HIVEP3: variants seen among roughly 807,000 people sequenced by gnomAD.
The protein encoded by HIVEP3 is transcription factor HIVEP3.
In HIVEP3, 49 loss-of-function variants were observed where a neutral mutation model predicts 152.8. The observed-to-expected ratio is 0.32, with a 90% CI of 0.26 to 0.41. The LOEUF is 0.41. Ranked by LOEUF, HIVEP3 falls within the 10% of genes least tolerant of loss-of-function variation. The pLI is 1.00. For missense variants in HIVEP3, 2,790 were observed against 3,103.3 expected (o/e 0.90, Z 2.40); for synonymous variants, 1,269 against 1,289.0 (o/e 0.98, Z 0.33).
chr1:41,937,713 G>A (rs1645026575), intron 1 of HIVEP3, among the ~76,000 whole-genome samples: 1 of 152,212 alleles, frequency 6.6e-6, no homozygotes, highest in Non-Finnish European at 1.5e-5. Flanking sequence ...GTACAGCCAG[G>A]CCTGAGGGTA....
At chr1:41,940,222 T>C (rs924753293) in intron 1 of HIVEP3, among the ~76,000 whole-genome samples, 1 of 152,230 alleles carries the variant, frequency 6.6e-6, no homozygotes, top group Non-Finnish European at 1.5e-5. Context: ...TTGAGCTGAA[T>C]TTTAAAAAAT....
chr1:41,684,605 A>T (rs1646087704), intron 2 of HIVEP3, among the ~76,000 whole-genome samples: 1 of 152,190 alleles, frequency 6.6e-6, no homozygotes, highest in Non-Finnish European at 1.5e-5. Flanking sequence ...TTCAGTTTTC[A>T]TCACTTGCTG....
intron 1 of HIVEP3, among the ~76,000 whole-genome samples, chr1:41,796,154 G>A (rs1286956912): frequency 2.6e-5 from 4 of 152,144 alleles, no homozygotes; most frequent in Non-Finnish European, 4.4e-5. Context: ...CTCTAATCCA[G>A]CACTATAGAG....
intron 1 of HIVEP3, among the ~76,000 whole-genome samples, chr1:41,707,139 C>T (rs966937685): frequency 6.6e-6 from 1 of 152,198 alleles, no homozygotes; most frequent in Non-Finnish European, 1.5e-5. Context: ...TCAGCTCCCC[C>T]GGGGCTGCCC....
intron 5 of HIVEP3, among the ~76,000 whole-genome samples, chr1:41,549,176 A>C (rs906706832): frequency 6.6e-6 from 1 of 152,148 alleles, no homozygotes; most frequent in African/African-American, 2.4e-5. Flanking sequence ...TTCCAGCTGC[A>C]TCCATGTCCC....
At chr1:41,698,192 C>T (rs578104338) in intron 2 of HIVEP3, among the ~76,000 whole-genome samples, 1 of 152,278 alleles carries the variant, frequency 6.6e-6, no homozygotes, top group African/African-American at 2.4e-5. Context: ...ATGATGCCCA[C>T]CCTACTTTTG....
chr1:41,614,715 G>C (rs926647957), intron 3 of HIVEP3, among the ~76,000 whole-genome samples: 2 of 152,186 alleles, frequency 1.3e-5, no homozygotes, highest in Non-Finnish European at 1.5e-5. Flanking sequence ...GAAGAAGATG[G>C]GTAAGTCACT....
At chr1:41,667,333 T>C (rs185085323) in intron 2 of HIVEP3, among the ~76,000 whole-genome samples, 1 of 152,366 alleles carries the variant, frequency 6.6e-6, no homozygotes, top group Admixed American at 6.5e-5. Context: ...TTTCCCCAAA[T>C]GACAAAAGCA....
At chr1:41,825,317 A>G (rs1642766789) in intron 1 of HIVEP3, among the ~76,000 whole-genome samples, 1 of 152,150 alleles carries the variant, frequency 6.6e-6, no homozygotes, top group African/African-American at 2.4e-5. Context: ...GTACATTCAC[A>G]AGGACCAGGA....
intron 1 of HIVEP3, among the ~76,000 whole-genome samples, chr1:41,855,312 A>C (rs999026066): frequency 2.0e-5 from 3 of 150,276 alleles, no homozygotes; most frequent in Admixed American, 6.6e-5. Context: ...TTTTGGCTGC[A>C]TAAAAAAGCA....
At position 41,739,628 on chromosome 1, in the gene HIVEP3, T is replaced by G. The variant is rs562969777; in HGVS notation, c.-800-38633A>C. On this transcript the variant is annotated intron_variant, in intron 1 of 8. Transcript: ENST00000372583. ...AGGAAGTCTTGGCTTCCTCAGGCGC[T>G]CCTTCCACTCCACCCACTGTACCCA... Among the ~76,000 whole-genome samples the G allele has an allele frequency of 1.1e-4, 17 of 152,056 alleles. 1 individual carries two copies. The South Asian group carries it at 3.5e-3, about 32-fold the overall frequency.
At chr1:41,684,356 T>C (rs1055062908) in intron 2 of HIVEP3, among the ~76,000 whole-genome samples, 6 of 152,176 alleles carry the variant, frequency 3.9e-5, no homozygotes, top group African/African-American at 1.4e-4. Context: ...TTCCAGCCCT[T>C]CCTTCCCAAG....
intron 5 of HIVEP3, among the ~76,000 whole-genome samples, chr1:41,559,416 T>C (rs1275133634): frequency 1.3e-5 from 2 of 152,216 alleles, no homozygotes; most frequent in Non-Finnish European, 2.9e-5. Flanking sequence ...GTATTTCCTA[T>C]AGCCGAGGCC....
At chr1:41,871,471 G>A (rs572486727) in intron 1 of HIVEP3, among the ~76,000 whole-genome samples, 1 of 150,986 alleles carries the variant, frequency 6.6e-6, no homozygotes, top group Non-Finnish European at 1.5e-5. Flanking sequence ...AGCCCCAGAA[G>A]AATAAAATGC....
At chr1:41,605,984 T>C (rs1644817760) in intron 3 of HIVEP3, among the ~76,000 whole-genome samples, 1 of 152,240 alleles carries the variant, frequency 6.6e-6, no homozygotes, top group African/African-American at 2.4e-5. Flanking sequence ...CAGCAAGTAC[T>C]GAATGAAGAG....
intron 3 of HIVEP3, among the ~76,000 whole-genome samples, chr1:41,601,666 T>C (rs1644749695): frequency 6.6e-6 from 1 of 152,174 alleles, no homozygotes; most frequent in Non-Finnish European, 1.5e-5. Context: ...GGATTTTATA[T>C]TATTTTGTCT....
chr1:41,559,518 G>A (rs1275524176), intron 5 of HIVEP3, among the ~76,000 whole-genome samples: 1 of 152,112 alleles, frequency 6.6e-6, no homozygotes, highest in Admixed American at 6.5e-5. Flanking sequence ...GGAATCCTCT[G>A]GGGCTGAATA....
At chr1:41,759,486 A>G (rs1647527413) in intron 1 of HIVEP3, among the ~76,000 whole-genome samples, 1 of 152,204 alleles carries the variant, frequency 6.6e-6, no homozygotes, top group African/African-American at 2.4e-5. Flanking sequence ...TATTGTGAAT[A>G]GTGCAGATAT....
chr1:41,907,372 G>A lies in HIVEP3; in HGVS notation c.-801+11041C>T, dbSNP rs190485789. The stretch of plus-strand genomic sequence containing the variant: ...TACTACTCTGCGGTAGCAGCAAGGT[G>A]AGCTCTTACCACCTTGAACTCTGGG... On this transcript the variant is annotated intron_variant, in intron 1 of 8. Transcript: ENST00000372583. 2.6e-5 allele frequency among the ~76,000 whole-genome samples: 4 copies of A among 152,284 alleles called. No individual in the cohort carries two copies. In the East Asian group the frequency reaches 7.7e-4, roughly 29 times the overall value.
Sources: gnomAD v4.1 joint callset for allele counts (sites outside exome capture counted in the v4.1 genomes callset) on GRCh38, gnomAD v4.1.1 for gene constraint, MANE v1.5 for transcripts, NCBI Gene and HGNC (gene_info 2026-07-23, HGNC 2026-07-21) for gene names.